The following TTC28 variants were observed in gnomAD, a reference collection of about 807,000 sequenced individuals.
The protein encoded by TTC28 is tetratricopeptide repeat domain 28.
A neutral mutation model predicts 198.0 loss-of-function variants in TTC28; 61 were observed. The observed-to-expected ratio is 0.31, with a 90% confidence interval of 0.25 to 0.38. The LOEUF is 0.38. Ranked by LOEUF, TTC28 falls within the 10% of genes least tolerant of loss-of-function variation. The pLI is 1.00. For missense variants in TTC28, 2,678 were observed against 3,164.0 expected, an observed-to-expected ratio of 0.85 and a Z score of 3.69; for synonymous variants, 1,171 against 1,297.8, an observed-to-expected ratio of 0.90 and a Z score of 2.10.
chr22:28,592,394 T>C (rs1207424240), intron 2 of TTC28, among the ~76,000 whole-genome samples: 3 of 152,116 alleles, frequency 2.0e-5, no homozygotes, highest in Admixed American at 1.3e-4. Context: ...CTAATACCTA[T>C]AATCCTAGCA....
chr22:28,218,128 G>A (rs560650650), intron 5 of TTC28, among the ~76,000 whole-genome samples: 1 of 152,282 alleles, frequency 6.6e-6, no homozygotes, highest in South Asian at 2.1e-4. Flanking sequence ...AAGGTTAGCT[G>A]CAATGTGGAA....
At chr22:28,534,124 A>C (rs1171270189) in intron 2 of TTC28, among the ~76,000 whole-genome samples, 1 of 152,218 alleles carries the variant, frequency 6.6e-6, no homozygotes, top group African/African-American at 2.4e-5. Context: ...TAAACAGGCA[A>C]CCTACAGAAT....
intron 5 of TTC28, among the ~76,000 whole-genome samples, chr22:28,180,808 A>G (rs1923623168): frequency 6.6e-6 from 1 of 152,220 alleles, no homozygotes; most frequent in Non-Finnish European, 1.5e-5. Flanking sequence ...AGGCTTAAAT[A>G]CCACATAAAC....
At chr22:28,430,452 T>G (rs563310217) in intron 2 of TTC28, among the ~76,000 whole-genome samples, 1 of 152,216 alleles carries the variant, frequency 6.6e-6, no homozygotes, top group East Asian at 1.9e-4. Context: ...CATTCTGAAG[T>G]TGGAAGAGCT....
At chr22:28,201,073 G>T (rs1925891242) in intron 5 of TTC28, among the ~76,000 whole-genome samples, 1 of 152,108 alleles carries the variant, frequency 6.6e-6, no homozygotes, top group Non-Finnish European at 1.5e-5. Context: ...CATTAGAGTT[G>T]GATAGTGTTA....
chr22:28,427,134 TAAC>T (rs2047361849), intron 2 of TTC28, among the ~76,000 whole-genome samples: 1 of 152,232 alleles, frequency 6.6e-6, no homozygotes, highest in Non-Finnish European at 1.5e-5. Flanking sequence ...CTTTGCCACT[TAAC>T]AATATTGTCA....
At chr22:28,017,076 C>T (rs1003354392) in intron 13 of TTC28, among the ~76,000 whole-genome samples, 2 of 152,216 alleles carry the variant, frequency 1.3e-5, no homozygotes, top group African/African-American at 2.4e-5. Flanking sequence ...TCATGCCCTG[C>T]AATCAGGGGC....
intron 5 of TTC28, among the ~76,000 whole-genome samples, chr22:28,224,817 T>G (rs574193981): frequency 1.3e-5 from 2 of 152,300 alleles, no homozygotes; most frequent in South Asian, 4.1e-4. Flanking sequence ...TGTGACTACA[T>G]TCCCTTTTTT....
chr22:28,175,768 T>C (rs150838158), intron 5 of TTC28, among the ~76,000 whole-genome samples: 2 of 151,974 alleles, frequency 1.3e-5, no homozygotes, highest in East Asian at 1.9e-4. Context: ...AAGACCTTAA[T>C]ACACATTTCT....
chr22:28,576,023 G>C (rs941552908), intron 2 of TTC28, among the ~76,000 whole-genome samples: 1 of 151,968 alleles, frequency 6.6e-6, no homozygotes, highest in Admixed American at 6.6e-5. Context: ...AGGACTTCCA[G>C]TACTATGATG....
intron 2 of TTC28, among the ~76,000 whole-genome samples, chr22:28,441,034 T>C (rs2047613087): frequency 1.3e-5 from 2 of 152,308 alleles, no homozygotes; most frequent in South Asian, 2.1e-4. Context: ...AGTGAATAAA[T>C]ACAACCTTCT....
chr22:28,579,896 G>A (rs374373925), intron 2 of TTC28, among the ~76,000 whole-genome samples: 5 of 152,070 alleles, frequency 3.3e-5, no homozygotes, highest in Admixed American at 1.3e-4. Flanking sequence ...CTTGAACCCC[G>A]GAGACAGAAG....
intron 13 of TTC28, among the ~76,000 whole-genome samples, chr22:28,024,700 T>C (rs1445654529): frequency 2.0e-5 from 3 of 152,194 alleles, no homozygotes; most frequent in Non-Finnish European, 2.9e-5. Context: ...CAATTCACCT[T>C]GCTGAGCACG....
rs548317048 is a variant in TTC28, at chr22:28,005,644, C to T, written c.4219-4091G>A. On this transcript the variant is annotated intron_variant, in intron 14 of 22. Coordinates refer to ENST00000397906, the MANE Select transcript of TTC28 (RefSeq NM_001145418.2). The surrounding 1 kb of genome is among the most constrained non-coding windows in gnomAD (Gnocchi z 4.9). ...CAGCCACGGGCCCAGAGCGCTGTCC[C>T]GTTGCCACCTTGCAGTCTCGGCCTG... Among the ~76,000 whole-genome samples the T allele has an allele frequency of 2.0e-5, 3 of 152,278 alleles. No individual in the cohort carries two copies. Among genetic ancestry groups the T allele is most frequent in the East Asian group, 1.9e-4 (1 of 5,162 alleles).
intron 5 of TTC28, among the ~76,000 whole-genome samples, chr22:28,182,169 T>C (rs1923760945): frequency 6.6e-6 from 1 of 152,164 alleles, no homozygotes; most frequent in South Asian, 2.1e-4. Context: ...GTGGAGGGTG[T>C]GTAACCTAGC....
chr22:28,600,053 T>C (rs2050613158), intron 2 of TTC28, among the ~76,000 whole-genome samples: 1 of 152,196 alleles, frequency 6.6e-6, no homozygotes, highest in African/African-American at 2.4e-5. Flanking sequence ...CCATAGAACC[T>C]TCAAATAAAA....
intron 2 of TTC28, among the ~76,000 whole-genome samples, chr22:28,337,738 G>A (rs2045755096): frequency 6.6e-6 from 1 of 152,226 alleles, no homozygotes; most frequent in Admixed American, 6.5e-5. Flanking sequence ...GTGTGTCTCT[G>A]CACGTGAGAT....
intron 13 of TTC28, among the ~76,000 whole-genome samples, chr22:28,022,504 A>T (rs1483524075): frequency 1.3e-5 from 2 of 152,126 alleles, no homozygotes; most frequent in Non-Finnish European, 2.9e-5. Flanking sequence ...TCACTTGCTC[A>T]CCTGCTCACA....
chr22:28,201,850 T>G (rs1164695504), intron 5 of TTC28, among the ~76,000 whole-genome samples: 1 of 151,342 alleles, frequency 6.6e-6, no homozygotes, highest in Non-Finnish European at 1.5e-5. Context: ...GAATACAGCC[T>G]GAACAGGGGT....
Sources: allele counts gnomAD v4.1 joint callset (sites outside exome capture counted in the v4.1 genomes callset), GRCh38; gene constraint gnomAD v4.1.1; non-coding constraint Gnocchi (gnomAD v3.1); transcripts MANE v1.5; gene names NCBI Gene and HGNC (gene_info 2026-07-23, HGNC 2026-07-21).